Variants in ANK2 observed in about 807,000 individuals in gnomAD.
ANK2 encodes the protein ankyrin 2.
Under a neutral mutation model 360.5 loss-of-function variants are expected in ANK2, and 83 were observed. The ratio of observed to expected loss-of-function variants is 0.23; its 90% CI spans 0.19 to 0.28. ANK2 has a LOEUF of 0.28. Among genes scored for constraint, ANK2 ranks in the 10% least tolerant of loss-of-function variants. ANK2 has a pLI of 1.00. For missense variants in ANK2, 4,201 were observed against 4,795.7 expected (o/e 0.88, Z 3.66); for synonymous variants, 1,740 against 1,759.5 (o/e 0.99, Z 0.28).
chr4:113,376,201 G>A (rs1261671405), intron 45 of ANK2, among the ~76,000 whole-genome samples: 1 of 152,156 alleles, frequency 6.6e-6, no homozygotes, highest in Non-Finnish European at 1.5e-5. Context: ...ATTGTAGAAT[G>A]TCCTTACACA....
the ANK2 span, among the ~76,000 whole-genome samples, chr4:112,756,783 G>A: frequency 6.6e-6 from 1 of 152,148 alleles, no homozygotes; most frequent in Non-Finnish European, 1.5e-5. Flanking sequence ...GACCAGCCTG[G>A]CCAACATAGT....
chr4:113,034,397 C>T (rs2061115955), intron 2 of ANK2: 1 of 151,872 alleles, frequency 6.6e-6, no homozygotes, highest in African/African-American at 2.4e-5. Context: ...GCTTTGTGAC[C>T]AGAATACTGG....
At chr4:112,706,101 G>C in the ANK2 span, among the ~76,000 whole-genome samples, 1 of 151,296 alleles carries the variant, frequency 6.6e-6, no homozygotes, top group Non-Finnish European at 1.5e-5. Context: ...GGAGACGCGG[G>C]AGACCCGGGC....
intron 23 of ANK2, among the ~76,000 whole-genome samples, chr4:113,304,022 T>G (rs2076148646): frequency 6.6e-6 from 1 of 152,220 alleles, no homozygotes; most frequent in Non-Finnish European, 1.5e-5. Flanking sequence ...TATAAAAATT[T>G]ATGACAAGAA....
chr4:112,827,589 C>G (rs2149605766), intron 1 of ANK2: 1 of 997,674 alleles, frequency 1.0e-6, no homozygotes, highest in Admixed American at 1.7e-5. Context: ...GAGCTCTATA[C>G]CTGGCCCTTC....
chr4:113,168,977 T>A (rs2097851000), intron 1 of ANK2, among the ~76,000 whole-genome samples: 1 of 152,196 alleles, frequency 6.6e-6, no homozygotes, highest in Non-Finnish European at 1.5e-5. Context: ...TACATCTCAG[T>A]GTATTTTTAA....
intron 2 of ANK2, among the ~76,000 whole-genome samples, chr4:113,016,361 C>A (rs534846098): frequency 6.6e-6 from 1 of 152,230 alleles, no homozygotes; most frequent in Admixed American, 6.5e-5. Context: ...GGTTCTTCAC[C>A]CGCCAAGTTT....
chr4:113,321,099 T>C (rs2085964571), intron 26 of ANK2, among the ~76,000 whole-genome samples: 1 of 152,246 alleles, frequency 6.6e-6, no homozygotes, highest in African/African-American at 2.4e-5. Context: ...ATCCTGACAC[T>C]GACACTCGTA....
chr4:113,166,102 T>C (rs951832125), intron 1 of ANK2, among the ~76,000 whole-genome samples: 1 of 152,148 alleles, frequency 6.6e-6, no homozygotes, highest in African/African-American at 2.4e-5. Flanking sequence ...TCAAAACCTA[T>C]TGATTTTGTT....
chr4:113,030,708 T>C (rs13101601), intron 2 of ANK2, among the ~76,000 whole-genome samples: 29,940 of 151,840 alleles, frequency 0.2, 3,278 homozygotes, highest in East Asian at 0.36. Context: ...ATTTCTATGT[T>C]TGTGAATGGC....
At chr4:112,809,560 A>C in the ANK2 span, among the ~76,000 whole-genome samples, 809 of 30,396 alleles carry the variant, frequency 0.027, 9 homozygotes, top group East Asian at 0.092. Flanking sequence ...GACTCCGTCT[A>C]AAAAAAAAAT....
chr4:112,788,983 T>C, the ANK2 span: 2 of 554,596 alleles, frequency 3.6e-6, no homozygotes, highest in Non-Finnish European at 6.3e-6. Flanking sequence ...ATTTTATGTA[T>C]TTTTATTTCC....
At chr4:113,081,782 T>C (rs113146814) in intron 1 of ANK2, among the ~76,000 whole-genome samples, 2,063 of 152,240 alleles carry the variant, frequency 0.014, 44 homozygotes, top group African/African-American at 0.047. Flanking sequence ...AATAAATATT[T>C]GCTGGATAAA....
intron 1 of ANK2, among the ~76,000 whole-genome samples, chr4:113,123,255 TA>T (rs1444362810): frequency 1.3e-5 from 2 of 152,092 alleles, no homozygotes; most frequent in African/African-American, 4.8e-5. Flanking sequence ...AACTTAATTT[TA>T]TTAGTCCCCT....
chr4:113,173,633 G>A lies in ANK2; in HGVS notation c.85-783G>A, dbSNP rs34097564. On this transcript the variant is annotated intron_variant, in intron 1 of 45. Coordinates refer to ENST00000357077, the MANE Select transcript of ANK2 (RefSeq NM_001148.6). ...CTGTGCATCTGGAGCAACTCTCTTC[G>A]GACTTTTCACGGGCAGAATTCAGCT... 0.019 allele frequency among the ~76,000 whole-genome samples: 2,910 copies of A among 152,238 alleles called. 121 individuals carry two copies. In the East Asian group the frequency reaches 0.2, roughly 10 times the overall value.
chr4:113,217,933 A>G (rs180689904), intron 4 of ANK2, among the ~76,000 whole-genome samples: 1 of 147,676 alleles, frequency 6.8e-6, no homozygotes, highest in Non-Finnish European at 1.5e-5. Context: ...TATTGAGTAT[A>G]TCACTTTTTG....
chr4:113,119,836 G>T (rs374799963), intron 1 of ANK2, among the ~76,000 whole-genome samples: 1 of 152,060 alleles, frequency 6.6e-6, no homozygotes, highest in Non-Finnish European at 1.5e-5. Context: ...AATCAATTAA[G>T]CAGTCACATT....
At chr4:113,064,673 A>G (rs542252632) in intron 1 of ANK2, among the ~76,000 whole-genome samples, 7 of 152,330 alleles carry the variant, frequency 4.6e-5, no homozygotes, top group Middle Eastern at 3.4e-3. Context: ...TGGGAAGTCA[A>G]TTTTAACTTT....
intron 4 of ANK2, among the ~76,000 whole-genome samples, chr4:113,207,472 T>C (rs1262099983): frequency 6.6e-6 from 1 of 152,158 alleles, no homozygotes; most frequent in Non-Finnish European, 1.5e-5. Context: ...GAAATAGACT[T>C]CAAATTTTAC....
Sources: allele counts gnomAD v4.1 joint callset (sites outside exome capture counted in the v4.1 genomes callset), GRCh38; gene constraint gnomAD v4.1.1; transcripts MANE v1.5; gene names NCBI Gene and HGNC (gene_info 2026-07-23, HGNC 2026-07-21).